The following NFKBID variants were observed in gnomAD, a reference collection of about 807,000 sequenced individuals.
The protein encoded by NFKBID is NFKB inhibitor delta, also known as NF-kappa-B inhibitor delta.
NFKBID carries 26 observed loss-of-function variants against 53.4 expected under a neutral mutation model. That is an observed-to-expected ratio of 0.49 (90% CI 0.36 to 0.68). NFKBID has a LOEUF of 0.68. Among genes scored for constraint, NFKBID ranks in the 30% least tolerant of loss-of-function variants. The probability of loss-of-function intolerance (pLI) is 0.00; values close to 1 mark genes in which losing one functional copy is unlikely to be tolerated. For missense variants in NFKBID, 493 were observed against 614.1 expected, an observed-to-expected ratio of 0.80 and a Z score of 2.08; for synonymous variants, 262 against 259.8, an observed-to-expected ratio of 1.01 and a Z score of -0.08.
At chr19:35,888,253 G>T in exon 12 of NFKBID, 1 of 354,908 alleles carries the variant, frequency 2.8e-6, no homozygotes. Flanking sequence ...CTGAGTTAGG[G>T]GAGAGAACCC....
At chr19:35,902,301 T>A (rs1441742255), upstream of NFKBID, 4 of 712,764 alleles carry the variant, frequency 5.6e-6, no homozygotes, top group African/African-American at 7.0e-5. Context: ...ATCAGCAAAT[T>A]TTCTTGGCCC....
In NFKBID at chr19:35,896,428, G is replaced by T; in HGVS notation, c.795C>A (p.His265Gln). 1.2e-6 allele frequency: 2 copies of T among 1,614,194 alleles called. No homozygotes were observed. Among genetic ancestry groups the T allele is most frequent in the African/African-American group, 1.3e-5 (1 of 75,048 alleles). The change falls in exon 7 of 12, where the codon CAC becomes CAA. Residue 265 changes from histidine (H) to glutamine (Q), a missense_variant. This residue lies in a region of NFKBID where 267 missense variants were observed against 384.6 expected (regional missense o/e 0.69). Transcript: ENST00000641389. The surrounding 1 kb of genome is among the most constrained non-coding windows in gnomAD (Gnocchi z 5.7). ...CTGGGAGCCCGTAGGTAGCGGCCAC[G>T]TGCAAGACCGAACGTCCCTGATGGT...
chr19:35,898,405 T>G, intron 3 of NFKBID, 67 bp downstream of exon 3: 2 of 1,035,808 alleles, frequency 1.9e-6, no homozygotes, highest in Non-Finnish European at 2.8e-6. Context: ...CCCAAAGTTC[T>G]GAGAGCTGCG....
intron 11 of NFKBID, among the ~76,000 whole-genome samples, chr19:35,889,350 T>C (rs1464451781): frequency 1.3e-5 from 2 of 151,986 alleles, no homozygotes; most frequent in Admixed American, 6.6e-5. Flanking sequence ...AGCAAGACGC[T>C]GCCTCAAAAT....
intron 9 of NFKBID, among the ~76,000 whole-genome samples, chr19:35,893,689 G>A (rs981428275): frequency 6.6e-6 from 1 of 152,000 alleles, no homozygotes; most frequent in Middle Eastern, 3.4e-3. Context: ...GCGTGGTGGC[G>A]GGTGCCTATA....
Position 35,891,295 on chromosome 19 carries a change from C to T in NFKBID, c.1033-805G>A, listed in dbSNP as rs1266688860. Among the ~76,000 whole-genome samples the T allele has an allele frequency of 2.0e-5, 3 of 152,064 alleles. No individual in the cohort carries two copies. In the South Asian group the frequency reaches 6.2e-4, roughly 31 times the overall value. ...TTATGTGTCTTTAAGGAGTTTGTAACGATAATGAATGTTAAACATTTTATG... is the reference window on the plus strand; with the variant it reads ...TTATGTGTCTTTAAGGAGTTTGTAATGATAATGAATGTTAAACATTTTATG... On this transcript the variant is annotated intron_variant, in intron 9 of 11. Transcript: ENST00000641389.
exon 12 of NFKBID, chr19:35,888,462 C>A: frequency 1.1e-6 from 1 of 886,056 alleles, no homozygotes; most frequent in Non-Finnish European, 1.8e-6. Context: ...GCAGGATATT[C>A]CACATACATT....
At chr19:35,897,935 G>T in intron 3 of NFKBID, 79 bp from the exon 4 acceptor site, 1 of 945,568 alleles carries the variant, frequency 1.1e-6, no homozygotes, top group Non-Finnish European at 1.6e-6. Context: ...AGGGCCTGGC[G>T]TCTCCCAAGG....
rs934788162 is a variant in NFKBID at position 35,896,635 on chromosome 19, C to A, written c.684+91G>T. 3.3e-6 allele frequency: 5 copies of A among 1,513,404 alleles called. No homozygotes were observed. The highest frequency in any genetic ancestry group is 4.5e-6 in the Non-Finnish European group (5 of 1,099,416). 93.7% of individuals were successfully genotyped at this position (1,513,404 alleles called of 1,614,324 possible). A position where few individuals can be genotyped will look rare whatever the true frequency, so the allele number is the denominator to read the frequency against. ...TCCCCCCTCAGCCCCAGGAGCTCAC[C>A]CCCCATTCCCCTCTTCTCTAGGATC... On this transcript the variant is annotated intron_variant, in intron 6 of 11. Coordinates refer to ENST00000641389, the Ensembl canonical transcript of NFKBID. This position sits in a 1 kb window ranked among gnomAD's most constrained non-coding sequence, Gnocchi z 5.7.
At chr19:35,900,837 T>C (rs533366091), upstream of NFKBID, among the ~76,000 whole-genome samples, 1,393 of 142,122 alleles carry the variant, frequency 9.8e-3, 32 homozygotes, top group African/African-American at 0.035. Context: ...CTTTTTTTTT[T>C]TTTTTTTTTT....
intron 3 of NFKBID, 107 bp downstream of exon 3, chr19:35,898,364 AG>A: frequency 2.8e-6 from 2 of 707,606 alleles, no homozygotes; most frequent in Non-Finnish European, 4.7e-6. Flanking sequence ...AAAAAAAAAA[AG>A]GGAAGAATGA....
intron 9 of NFKBID, among the ~76,000 whole-genome samples, chr19:35,894,435 A>G (rs1974989062): frequency 6.6e-6 from 1 of 152,122 alleles, no homozygotes; most frequent in Admixed American, 6.6e-5. Flanking sequence ...GGCTGGGTGC[A>G]GTGGCTCACA....
At chr19:35,900,650 A>G in exon 1 of NFKBID, 2 of 1,228,846 alleles carry the variant, frequency 1.6e-6, no homozygotes, top group South Asian at 8.5e-5. Context: ...GCTCCGGCGA[A>G]CGCAGTCCCT....
Position 35,896,281 on chromosome 19 carries a change from A to T in NFKBID, c.832-12T>A. The T allele has an allele frequency of 6.2e-7, 1 of 1,614,164 alleles. No homozygotes were observed. The highest frequency in any genetic ancestry group is 8.5e-7 in the Non-Finnish European group (1 of 1,179,998). On this transcript the variant is annotated splice_polypyrimidine_tract_variant and intron_variant, in intron 7 of 11. Coordinates refer to ENST00000641389, the Ensembl canonical transcript of NFKBID. This position sits in a 1 kb window ranked among gnomAD's most constrained non-coding sequence, Gnocchi z 5.7. ...GAGTTAAGCACAGCCTGGGAGGAAG[A>T]GAAGGCAGACTGCTGGGTAAGGGTA...
At chr19:35,897,619 C>T (rs1311593607) in intron 4 of NFKBID, 32 bp downstream of exon 4, 2 of 1,148,578 alleles carry the variant, frequency 1.7e-6, no homozygotes, top group Non-Finnish European at 2.6e-6. Flanking sequence ...TTTAGGGGCC[C>T]TTCAGCATCC....
chr19:35,901,737 AATTTTTGT>A (rs1975572891), upstream of NFKBID: 1 of 166,586 alleles, frequency 6.0e-6, no homozygotes, highest in South Asian at 1.2e-4. Context: ...ATGCCCGGGT[AATTTTTGT>A]ATTTTTGTAG....
In NFKBID at chr19:35,900,579, G is replaced by A. The variant is rs556723074; in HGVS notation, c.-77C>T. 4.1e-4 allele frequency: 507 copies of A among 1,231,280 alleles called. 4 individuals carry two copies. In the African/African-American group the frequency reaches 7.2e-3, roughly 18 times the overall value. 76.3% of individuals were successfully genotyped at this position (1,231,280 alleles called of 1,614,324 possible). Reference sequence around the variant, plus strand: ...GTACCCGCGAGTTTTTAAACTAGGGGTTATGGCACCGCCCAGTCCTGGGCA... The same window carrying A: ...GTACCCGCGAGTTTTTAAACTAGGGATTATGGCACCGCCCAGTCCTGGGCA... On this transcript the variant is annotated 5_prime_UTR_variant, in exon 1 of 12. Coordinates refer to ENST00000641389, the Ensembl canonical transcript of NFKBID.
At chr19:35,901,234 T>TG (rs994829721), upstream of NFKBID, among the ~76,000 whole-genome samples, 2 of 137,140 alleles carry the variant, frequency 1.5e-5, no homozygotes, top group African/African-American at 5.6e-5. Flanking sequence ...GGAGATGGGG[T>TG]GGGGGCAGGG....
chr19:35,892,013 A>C (rs900775028), intron 9 of NFKBID, among the ~76,000 whole-genome samples: 41 of 151,690 alleles, frequency 2.7e-4, no homozygotes, highest in African/African-American at 9.7e-4. Flanking sequence ...CTCCCCAAGC[A>C]CTGGGATTAC....
Sources: allele counts gnomAD v4.1 joint callset (sites outside exome capture counted in the v4.1 genomes callset), GRCh38; gene constraint gnomAD v4.1.1; regional missense constraint gnomAD v4.1.1; non-coding constraint Gnocchi (gnomAD v3.1); transcripts MANE v1.5; gene names NCBI Gene and HGNC (gene_info 2026-07-23, HGNC 2026-07-21).